The following MAGI2 variants were observed in gnomAD, a reference collection of about 807,000 sequenced individuals.
MAGI2 encodes the protein membrane-associated guanylate kinase, WW and PDZ domain-containing protein 2.
MAGI2 carries 35 observed loss-of-function variants against 133.3 expected under a neutral mutation model. The ratio of observed to expected loss-of-function variants is 0.26; its 90% CI spans 0.20 to 0.35. MAGI2 has a LOEUF of 0.35. Among genes scored for constraint, MAGI2 ranks in the 10% least tolerant of loss-of-function variants. The pLI is 1.00. For synonymous variants in MAGI2, 729 were observed against 710.6 expected (o/e 1.03, Z -0.41); for missense variants, 1,636 against 1,863.4 (o/e 0.88, Z 2.25).
At chr7:78,737,133 T>C (rs1173256038) in intron 2 of MAGI2, among the ~76,000 whole-genome samples, 1 of 152,198 alleles carries the variant, frequency 6.6e-6, no homozygotes, top group Non-Finnish European at 1.5e-5. Context: ...CCAATAAAAT[T>C]TGAGCTTTAG....
chr7:79,207,216 G>A (rs1424712790), intron 1 of MAGI2, among the ~76,000 whole-genome samples: 3 of 151,828 alleles, frequency 2.0e-5, no homozygotes, highest in Admixed American at 6.6e-5. Flanking sequence ...CACGTTCTAG[G>A]CAGAGCAATT....
chr7:78,317,234 G>C (rs798293), intron 9 of MAGI2, among the ~76,000 whole-genome samples: 42,145 of 152,064 alleles, frequency 0.28, 6,107 homozygotes, highest in African/African-American at 0.34. Flanking sequence ...GAATTCATTT[G>C]TTCTTTTTGC....
At chr7:78,402,856 C>T (rs2151350147) in intron 6 of MAGI2, among the ~76,000 whole-genome samples, 1 of 152,166 alleles carries the variant, frequency 6.6e-6, no homozygotes, top group East Asian at 1.9e-4. Flanking sequence ...TGAAAAATTT[C>T]ATGCAAATAT....
At chr7:78,635,111 A>T (rs999372328) in intron 2 of MAGI2, among the ~76,000 whole-genome samples, 2 of 152,220 alleles carry the variant, frequency 1.3e-5, no homozygotes, top group Non-Finnish European at 2.9e-5. Context: ...GAAAGCATAC[A>T]GCGTTTCTGC....
chr7:78,969,856 T>C (rs1584534889), intron 2 of MAGI2, among the ~76,000 whole-genome samples: 1 of 152,196 alleles, frequency 6.6e-6, no homozygotes, highest in South Asian at 2.1e-4. Context: ...GTTTACTCTA[T>C]GCTAAATATT....
At chr7:78,080,902 C>T (rs529239103) in intron 20 of MAGI2, among the ~76,000 whole-genome samples, 17 of 152,294 alleles carry the variant, frequency 1.1e-4, no homozygotes, top group Middle Eastern at 3.4e-3. Flanking sequence ...TGTATCCCAT[C>T]GCTCACAAGC....
chr7:78,909,208 A>C (rs1280186139), intron 2 of MAGI2, among the ~76,000 whole-genome samples: 1 of 151,980 alleles, frequency 6.6e-6, no homozygotes, highest in Non-Finnish European at 1.5e-5. Context: ...CAAACATATA[A>C]AAAGAAGCTC....
At chr7:79,107,655 A>G (rs1014669801) in intron 1 of MAGI2, among the ~76,000 whole-genome samples, 1 of 152,192 alleles carries the variant, frequency 6.6e-6, no homozygotes, top group African/African-American at 2.4e-5. Flanking sequence ...TTATATGGAA[A>G]TTCTTATGCA....
intron 3 of MAGI2, among the ~76,000 whole-genome samples, chr7:78,566,146 C>A (rs919794223): frequency 2.6e-5 from 4 of 152,206 alleles, no homozygotes; most frequent in African/African-American, 9.6e-5. Context: ...GGAAGTCGTT[C>A]CTTTATCTTA....
At chr7:78,501,545 T>TAGC in intron 5 of MAGI2, 32 bp downstream of exon 5, 1 of 1,589,986 alleles carries the variant, frequency 6.3e-7, no homozygotes, top group South Asian at 1.1e-5. Flanking sequence ...ATGACCTTTT[T>TAGC]GGCACTGTTG....
chr7:79,366,034 G>A (rs1040414515), intron 1 of MAGI2, among the ~76,000 whole-genome samples: 11 of 151,648 alleles, frequency 7.3e-5, no homozygotes, highest in African/African-American at 2.7e-4. Context: ...TTAAGCCCAG[G>A]GGTTGGAGAC....
At chr7:78,891,401 C>T (rs942454045) in intron 2 of MAGI2, among the ~76,000 whole-genome samples, 1 of 152,086 alleles carries the variant, frequency 6.6e-6, no homozygotes, top group Non-Finnish European at 1.5e-5. Context: ...ATCCTGATAC[C>T]AAAGCCTGGC....
intron 2 of MAGI2, among the ~76,000 whole-genome samples, chr7:78,679,618 A>C (rs1257916144): frequency 6.6e-6 from 1 of 152,204 alleles, no homozygotes; most frequent in African/African-American, 2.4e-5. Flanking sequence ...TCACGATCAC[A>C]AAGTCATTCT....
chr7:78,599,525 G>A (rs955896740), intron 3 of MAGI2, among the ~76,000 whole-genome samples: 4 of 151,964 alleles, frequency 2.6e-5, no homozygotes, highest in South Asian at 2.1e-4. Flanking sequence ...AGGCAAGTTC[G>A]GATTAACAGA....
chr7:78,654,157 T>G (rs536491408), intron 2 of MAGI2, among the ~76,000 whole-genome samples: 1 of 152,292 alleles, frequency 6.6e-6, no homozygotes, highest in South Asian at 2.1e-4. Flanking sequence ...GCATGAATTC[T>G]TGAGACAGCT....
chr7:78,300,132 T>C (rs1351571033), intron 9 of MAGI2, among the ~76,000 whole-genome samples: 1 of 152,208 alleles, frequency 6.6e-6, no homozygotes, highest in Non-Finnish European at 1.5e-5. Flanking sequence ...GACATTTTTA[T>C]ATTATAGTTC....
rs1020397912 is a variant in MAGI2, at chr7:79,421,099, G to A, written c.301+31921C>T. Among the ~76,000 whole-genome samples the A allele has an allele frequency of 2.6e-5, 4 of 152,084 alleles. No individual in the cohort carries two copies. The South Asian group carries it at 8.3e-4, about 32-fold the overall frequency. ...CAACAAAAATATTCCTTTGGGTACCGTGGACTGTGTTAGCACTTTGAGAAA... is the reference window on the plus strand; with the variant it reads ...CAACAAAAATATTCCTTTGGGTACCATGGACTGTGTTAGCACTTTGAGAAA... On this transcript the variant is annotated intron_variant, in intron 1 of 21. Coordinates refer to ENST00000354212, the MANE Select transcript of MAGI2 (RefSeq NM_012301.4).
At chr7:78,907,618 G>A (rs1798083053) in intron 2 of MAGI2, among the ~76,000 whole-genome samples, 1 of 152,102 alleles carries the variant, frequency 6.6e-6, no homozygotes, top group Non-Finnish European at 1.5e-5. Flanking sequence ...ATAAAGCTCA[G>A]TTCTGCTATC....
At position 78,017,411 on chromosome 7, in the gene MAGI2, T is replaced by C. The variant is rs1409375338; in HGVS notation, c.*1904A>G. The C allele has an allele frequency of 6.6e-6, 1 of 152,568 alleles. No individual in the cohort carries two copies. Among genetic ancestry groups the C allele is most frequent in the African/African-American group, 2.4e-5 (1 of 41,448 alleles). The allele number at this position is 152,568 out of a possible 1,614,324, so 9.5% of individuals were successfully genotyped here. ...TTTATGCCAGTGTAATCTCAATTTT[T>C]TTTTCCTTTTGTAATACATGGAAAA... is the stretch of plus-strand genomic sequence containing the variant. On this transcript the variant is annotated 3_prime_UTR_variant, in exon 22 of 22. Coordinates refer to ENST00000354212, the MANE Select transcript of MAGI2 (RefSeq NM_012301.4).
Sources: gnomAD v4.1 joint callset for allele counts (sites outside exome capture counted in the v4.1 genomes callset) on GRCh38, gnomAD v4.1.1 for gene constraint, MANE v1.5 for transcripts, NCBI Gene and HGNC (gene_info 2026-07-23, HGNC 2026-07-21) for gene names.